The following BICC1 variants were observed in gnomAD, a reference collection of about 807,000 sequenced individuals.
BICC1 encodes protein bicaudal C homolog 1.
In BICC1, 43 loss-of-function variants were observed where a neutral mutation model predicts 111.0. That is an observed-to-expected ratio of 0.39 (90% CI 0.30 to 0.50). BICC1 has a LOEUF of 0.50. Among genes scored for constraint, BICC1 ranks in the 20% least tolerant of loss-of-function variants. BICC1 has a pLI of 0.88. For synonymous variants in BICC1, 467 were observed against 434.4 expected (o/e 1.07, Z -0.93); for missense variants, 1,091 against 1,203.2 (o/e 0.91, Z 1.38).
chr10:58,538,019 C>T (rs1251736026), intron 1 of BICC1, among the ~76,000 whole-genome samples: 2 of 151,810 alleles, frequency 1.3e-5, no homozygotes, highest in Non-Finnish European at 2.9e-5. Flanking sequence ...TTGGAAGAAT[C>T]AATATCGTGA....
At chr10:58,566,232 A>C (rs1224899040) in intron 1 of BICC1, among the ~76,000 whole-genome samples, 1 of 151,988 alleles carries the variant, frequency 6.6e-6, no homozygotes, top group Non-Finnish European at 1.5e-5. Flanking sequence ...GTGTATATCT[A>C]TACATGTACA....
rs1844479784 is a variant in BICC1 at position 58,828,943 on chromosome 10, G to A, written c.*52G>A. 5 of 1,607,830 alleles carry A rather than the reference G, an allele frequency of 3.1e-6. No individual in the cohort carries two copies. The highest frequency in any genetic ancestry group is 4.2e-6 in the Non-Finnish European group (5 of 1,176,860). On this transcript the variant is annotated 3_prime_UTR_variant, in exon 21 of 21. Coordinates refer to ENST00000373886, the MANE Select transcript of BICC1 (RefSeq NM_001080512.3). ...GACTAACTGTAAAGTGGACACAGGA[G>A]ATGTATGAACAGCCTTCACAGCACA...
intron 1 of BICC1, among the ~76,000 whole-genome samples, chr10:58,601,168 A>ATATATATC (rs1182289120): frequency 2.9e-5 from 4 of 139,352 alleles, no homozygotes; most frequent in African/African-American, 7.9e-5. Flanking sequence ...ATATATATAT[A>ATATATATC]TATCTCCCAA....
At chr10:58,757,302 A>G (rs1842175044) in intron 3 of BICC1, among the ~76,000 whole-genome samples, 1 of 152,210 alleles carries the variant, frequency 6.6e-6, no homozygotes, top group African/African-American at 2.4e-5. Flanking sequence ...AAAGCTGTCA[A>G]TGAGTTCTAT....
At chr10:58,647,208 T>C (rs1269284058) in intron 2 of BICC1, among the ~76,000 whole-genome samples, 1 of 152,226 alleles carries the variant, frequency 6.6e-6, no homozygotes, top group Non-Finnish European at 1.5e-5. Flanking sequence ...TTTTTAGTTA[T>C]AGTCTCACAT....
chr10:58,706,256 A>G (rs1230441863), intron 3 of BICC1, among the ~76,000 whole-genome samples: 1 of 152,226 alleles, frequency 6.6e-6, no homozygotes, highest in Non-Finnish European at 1.5e-5. Context: ...ATATTTTAAA[A>G]TAAATGCAGC....
intron 1 of BICC1, among the ~76,000 whole-genome samples, chr10:58,574,004 C>T (rs1844037512): frequency 1.3e-5 from 2 of 152,172 alleles, no homozygotes; most frequent in Middle Eastern, 3.4e-3. Context: ...ACAAAGCCTC[C>T]GTTGTTTATG....
chr10:58,573,313 C>T (rs748114331), intron 1 of BICC1, among the ~76,000 whole-genome samples: 1 of 152,170 alleles, frequency 6.6e-6, no homozygotes, highest in Non-Finnish European at 1.5e-5. Context: ...TCATCCAACA[C>T]AAACTCCAAT....
chr10:58,766,359 C>T (rs1369038240), intron 3 of BICC1, among the ~76,000 whole-genome samples: 1 of 152,112 alleles, frequency 6.6e-6, no homozygotes, highest in African/African-American at 2.4e-5. Context: ...GAATGACCCC[C>T]ATGTGTGTAT....
chr10:58,782,882 T>TA (rs1209310048), intron 3 of BICC1, among the ~76,000 whole-genome samples: 1 of 152,194 alleles, frequency 6.6e-6, no homozygotes, highest in Non-Finnish European at 1.5e-5. Context: ...TCTGTCTGTT[T>TA]ACATAAGTGT....
intron 1 of BICC1, among the ~76,000 whole-genome samples, chr10:58,579,409 C>G (rs531794838): frequency 1.2e-4 from 18 of 152,318 alleles, no homozygotes; most frequent in African/African-American, 4.3e-4. Flanking sequence ...CTAGAATTGT[C>G]TTCACCAAAG....
At chr10:58,661,160 T>C (rs1838830835) in intron 2 of BICC1, among the ~76,000 whole-genome samples, 1 of 152,080 alleles carries the variant, frequency 6.6e-6, no homozygotes, top group Admixed American at 6.6e-5. Context: ...AGGGGGAAGA[T>C]TCTTATTTTC....
At chr10:58,516,062 G>A (rs938234899) in intron 1 of BICC1, among the ~76,000 whole-genome samples, 4 of 152,120 alleles carry the variant, frequency 2.6e-5, no homozygotes, top group Non-Finnish European at 5.9e-5. Flanking sequence ...TTCTTGGGTG[G>A]AAAGCTTTTT....
At chr10:58,534,132 T>C (rs1020203871) in intron 1 of BICC1, among the ~76,000 whole-genome samples, 5 of 151,774 alleles carry the variant, frequency 3.3e-5, no homozygotes, top group African/African-American at 7.2e-5. Context: ...TTCATGTTTA[T>C]ATCAGACAAA....
chr10:58,611,697 G>A (rs1162752348), intron 1 of BICC1, among the ~76,000 whole-genome samples: 3 of 151,492 alleles, frequency 2.0e-5, no homozygotes, highest in South Asian at 2.1e-4. Flanking sequence ...ACCATGCTGC[G>A]TAGGCTGGTC....
intron 3 of BICC1, among the ~76,000 whole-genome samples, chr10:58,737,844 A>G (rs1421043746): frequency 6.6e-6 from 1 of 152,168 alleles, no homozygotes; most frequent in Non-Finnish European, 1.5e-5. Context: ...GACAGTGATG[A>G]TGAGCATTTT....
intron 20 of BICC1, among the ~76,000 whole-genome samples, chr10:58,821,480 G>T (rs186469599): frequency 1.3e-5 from 2 of 152,016 alleles, no homozygotes; most frequent in African/African-American, 4.8e-5. Context: ...TTATTTTAGC[G>T]GCATGTTGAA....
intron 2 of BICC1, among the ~76,000 whole-genome samples, chr10:58,672,740 A>G (rs144717008): frequency 1.4e-4 from 22 of 152,342 alleles, no homozygotes; most frequent in African/African-American, 5.1e-4. Flanking sequence ...ATGAATGCTC[A>G]GTGATAAAAA....
chr10:58,593,866 A>G (rs1029906748), intron 1 of BICC1, among the ~76,000 whole-genome samples: 2 of 152,068 alleles, frequency 1.3e-5, no homozygotes, highest in Non-Finnish European at 2.9e-5. Context: ...AACTGGACGG[A>G]GAATGAGTTT....
Sources: gnomAD v4.1 joint callset for allele counts (sites outside exome capture counted in the v4.1 genomes callset) on GRCh38, gnomAD v4.1.1 for gene constraint, MANE v1.5 for transcripts, NCBI Gene and HGNC (gene_info 2026-07-23, HGNC 2026-07-21) for gene names.